CCDC169: variants seen among roughly 807,000 people sequenced by gnomAD.
The protein encoded by CCDC169 is coiled-coil domain containing 169, also known as coiled-coil domain-containing protein 169.
CCDC169 carries 30 observed loss-of-function variants against 36.0 expected under a neutral mutation model. The observed-to-expected ratio is 0.83, with a 90% CI of 0.62 to 1.13. The LOEUF is 1.13. Ranked by LOEUF, CCDC169 falls within the 50% of genes most tolerant of loss-of-function variation. The pLI is 0.00. For missense variants in CCDC169, 245 were observed against 245.9 expected (o/e 1.00, Z 0.03); for synonymous variants, 85 against 81.5 (o/e 1.04, Z -0.23).
At chr13:36,285,393 T>A (rs1044103430) in intron 2 of CCDC169, among the ~76,000 whole-genome samples, 3 of 151,828 alleles carry the variant, frequency 2.0e-5, no homozygotes, top group African/African-American at 7.3e-5. Flanking sequence ...TACTAAAGAA[T>A]ACAAAAATTA....
intron 4 of CCDC169, among the ~76,000 whole-genome samples, chr13:36,259,797 C>A (rs1218692514): frequency 6.6e-6 from 1 of 152,358 alleles, no homozygotes; most frequent in East Asian, 1.9e-4. Flanking sequence ...TCCAAGAAGT[C>A]AGAGGCAGGT....
chr13:36,287,903 CAG>C (rs1189924829), intron 2 of CCDC169, among the ~76,000 whole-genome samples: 1 of 152,090 alleles, frequency 6.6e-6, no homozygotes. Context: ...GCTAAATCTT[CAG>C]AGTCATCAGC....
intron 7 of CCDC169, among the ~76,000 whole-genome samples, chr13:36,248,062 A>G (rs1415696241): frequency 6.6e-6 from 1 of 152,154 alleles, no homozygotes; most frequent in South Asian, 2.1e-4. Flanking sequence ...AAAGATTATA[A>G]CTCACTGAAG....
intron 4 of CCDC169, among the ~76,000 whole-genome samples, chr13:36,281,609 TC>T (rs1228662931): frequency 2.0e-5 from 3 of 152,204 alleles, no homozygotes; most frequent in Non-Finnish European, 2.9e-5. Flanking sequence ...ATACCTGTCA[TC>T]CCAGCACTTT....
intron 4 of CCDC169, among the ~76,000 whole-genome samples, chr13:36,266,746 T>C (rs1875370100): frequency 6.6e-6 from 1 of 152,208 alleles, no homozygotes; most frequent in South Asian, 2.1e-4. Context: ...TCTTCCACAG[T>C]ATTCTACTCC....
intron 2 of CCDC169, among the ~76,000 whole-genome samples, chr13:36,292,324 TG>T (rs1879002944): frequency 6.6e-6 from 1 of 152,104 alleles, no homozygotes; most frequent in Non-Finnish European, 1.5e-5. Flanking sequence ...ACGGAGGTAA[TG>T]ATATTATTTT....
At chr13:36,294,263 G>A (rs1006946694) in intron 2 of CCDC169, among the ~76,000 whole-genome samples, 1 of 152,062 alleles carries the variant, frequency 6.6e-6, no homozygotes. Context: ...TTTTACTACT[G>A]GGCATAGTTA....
At chr13:36,295,081 T>C (rs1238936083) in intron 2 of CCDC169, among the ~76,000 whole-genome samples, 1 of 152,226 alleles carries the variant, frequency 6.6e-6, no homozygotes, top group East Asian at 1.9e-4. Context: ...TCCTGTTCTT[T>C]AGCATTCAGT....
At chr13:36,244,397 A>G (rs1445912572) in intron 7 of CCDC169, 2 of 152,218 alleles carry the variant, frequency 1.3e-5, no homozygotes, top group African/African-American at 4.8e-5. Context: ...CAATAGAAAC[A>G]TTAGATGCTA....
At chr13:36,256,949 G>T (rs562549486) in intron 4 of CCDC169, among the ~76,000 whole-genome samples, 1 of 152,328 alleles carries the variant, frequency 6.6e-6, no homozygotes, top group South Asian at 2.1e-4. Flanking sequence ...GCAGCAGCTG[G>T]GTAGGCACTG....
At chr13:36,230,570 T>C (rs554695000), downstream of CCDC169, among the ~76,000 whole-genome samples, 2 of 152,316 alleles carry the variant, frequency 1.3e-5, no homozygotes, top group East Asian at 3.9e-4. Context: ...ATATTGGTTT[T>C]CTAGAATTGT....
At chr13:36,295,890 T>G in intron 1 of CCDC169, 33 bp from the exon 2 acceptor site, 1 of 1,258,588 alleles carries the variant, frequency 7.9e-7, no homozygotes, top group South Asian at 1.4e-5. Context: ...TGATTATAAT[T>G]CAATTAAAAA....
intron 6 of CCDC169, among the ~76,000 whole-genome samples, chr13:36,251,044 C>T (rs1383812789): frequency 2.0e-5 from 3 of 152,184 alleles, no homozygotes; most frequent in Non-Finnish European, 4.4e-5. Flanking sequence ...TTCTGCCTGA[C>T]TTTTAAGTAA....
chr13:36,291,002 T>G (rs540714269), intron 2 of CCDC169, among the ~76,000 whole-genome samples: 206 of 151,202 alleles, frequency 1.4e-3, no homozygotes, highest in Non-Finnish European at 2.4e-3. Context: ...AAAAAAATCC[T>G]AAGCCCCCTC....
intron 2 of CCDC169, among the ~76,000 whole-genome samples, chr13:36,290,582 C>T (rs772000913): frequency 6.6e-6 from 1 of 152,076 alleles, no homozygotes; most frequent in Admixed American, 6.5e-5. Flanking sequence ...TTAAGACCCT[C>T]CAAATCAAGG....
intron 4 of CCDC169, among the ~76,000 whole-genome samples, chr13:36,267,669 A>T (rs181014818): frequency 6.6e-6 from 1 of 152,338 alleles, no homozygotes; most frequent in East Asian, 1.9e-4. Context: ...GAATGAATTT[A>T]AAAAATCACA....
At chr13:36,284,154 TTA>T (rs1877890392) in intron 2 of CCDC169, among the ~76,000 whole-genome samples, 1 of 151,598 alleles carries the variant, frequency 6.6e-6, no homozygotes, top group African/African-American at 2.4e-5. Context: ...AAATACATAT[TTA>T]TATATTTATA....
At chr13:36,253,651 C>A (rs9546885) in intron 6 of CCDC169, among the ~76,000 whole-genome samples, 152 bp downstream of exon 6, 61,535 of 151,834 alleles carry the variant, frequency 0.41, 13,231 homozygotes, top group Non-Finnish European at 0.48. Context: ...ATTTTTTATA[C>A]AAGTTGTATA....
At chr13:36,235,849 G>T (rs1486572719) in intron 7 of CCDC169, among the ~76,000 whole-genome samples, 1 of 151,820 alleles carries the variant, frequency 6.6e-6, no homozygotes, top group Non-Finnish European at 1.5e-5. Context: ...TGTATTTCTA[G>T]ACACCAGCAA....
Sources: gnomAD v4.1 joint callset for allele counts (sites outside exome capture counted in the v4.1 genomes callset) on GRCh38, gnomAD v4.1.1 for gene constraint, MANE v1.5 for transcripts, NCBI Gene and HGNC (gene_info 2026-07-23, HGNC 2026-07-21) for gene names.